PPARG: variants seen among roughly 807,000 people sequenced by gnomAD.
PPARG encodes the protein peroxisome proliferator activated receptor gamma.
In PPARG, 17 loss-of-function variants were observed where a neutral mutation model predicts 39.2. The ratio of observed to expected loss-of-function variants is 0.43; its 90% CI spans 0.30 to 0.65. PPARG has a LOEUF of 0.65. Among genes scored for constraint, PPARG ranks in the 30% least tolerant of loss-of-function variants. The probability of loss-of-function intolerance (pLI) is 0.13; values close to 1 mark genes in which losing one functional copy is unlikely to be tolerated. For synonymous variants in PPARG, 223 were observed against 215.7 expected (o/e 1.03, Z -0.30); for missense variants, 406 against 585.9 (o/e 0.69, Z 3.17).
At position 12,342,768 on chromosome 3, in the gene PPARG, G is replaced by A. The variant is rs115782942; in HGVS notation, c.-9+30315G>A. Among the ~76,000 whole-genome samples, 250 of 150,650 alleles carry A rather than the reference G, an allele frequency of 1.7e-3. 1 individual carries two copies. Among genetic ancestry groups the A allele is most frequent in the African/African-American group, 5.5e-3 (224 of 41,088 alleles). On this transcript the variant is annotated intron_variant, in intron 2 of 7. Transcript: ENST00000651735. ...TTTTCTAATTTTTAACAATGAACGC[G>A]GATTGGTTCTATAATAATGAAAGGT... is the stretch of plus-strand genomic sequence containing the variant.
intron 7 of PPARG, among the ~76,000 whole-genome samples, chr3:12,429,470 C>A (rs1173016705): frequency 6.7e-6 from 1 of 148,314 alleles, no homozygotes; most frequent in Non-Finnish European, 1.5e-5. Context: ...GTCATCCCAG[C>A]ACTTTGAGGG....
intron 2 of PPARG, among the ~76,000 whole-genome samples, chr3:12,354,937 G>A (rs1395732798): frequency 6.6e-6 from 1 of 152,102 alleles, no homozygotes; most frequent in African/African-American, 2.4e-5. Flanking sequence ...AAGCATCTTT[G>A]TGTCTAATTT....
intron 2 of PPARG, among the ~76,000 whole-genome samples, chr3:12,365,953 T>G (rs1360823037): frequency 6.6e-6 from 1 of 152,108 alleles, no homozygotes; most frequent in Non-Finnish European, 1.5e-5. Flanking sequence ...TTGCTGGGAT[T>G]GTTATTGTGA....
chr3:12,298,286 G>A (rs1171423098), intron 1 of PPARG, among the ~76,000 whole-genome samples: 7 of 100,458 alleles, frequency 7.0e-5, no homozygotes, highest in Admixed American at 1.5e-4. Flanking sequence ...GCGACAGAGC[G>A]AGACTCTGTC....
chr3:12,422,370 GT>G (rs2051292664), intron 7 of PPARG, among the ~76,000 whole-genome samples: 1 of 152,168 alleles, frequency 6.6e-6, no homozygotes, highest in Admixed American at 6.5e-5. Context: ...ATTTAAAGAG[GT>G]TAAGCAGTTT....
intron 5 of PPARG, among the ~76,000 whole-genome samples, chr3:12,396,643 A>G (rs750678472): frequency 9.9e-5 from 15 of 151,820 alleles, no homozygotes; most frequent in Admixed American, 2.0e-4. Flanking sequence ...CTGTGGTTTC[A>G]GCTACTCGGG....
intron 2 of PPARG, among the ~76,000 whole-genome samples, chr3:12,363,210 G>T (rs2048909512): frequency 6.6e-6 from 1 of 152,166 alleles, no homozygotes; most frequent in South Asian, 2.1e-4. Flanking sequence ...GTGAGCCACT[G>T]TATCTAGCCT....
chr3:12,401,993 G>A (rs1301583798), intron 5 of PPARG, among the ~76,000 whole-genome samples: 1 of 152,164 alleles, frequency 6.6e-6, no homozygotes, highest in African/African-American at 2.4e-5. Flanking sequence ...AGAAAAGCAA[G>A]ACTAGTAAAT....
At chr3:12,310,226 G>C (rs1344397831) in intron 1 of PPARG, among the ~76,000 whole-genome samples, 1 of 152,184 alleles carries the variant, frequency 6.6e-6, no homozygotes, top group East Asian at 1.9e-4. Flanking sequence ...TGTTTGATCC[G>C]ACACTTGGGG....
intron 4 of PPARG, among the ~76,000 whole-genome samples, chr3:12,385,868 A>G (rs2049851256): frequency 6.6e-6 from 1 of 152,328 alleles, no homozygotes; most frequent in South Asian, 2.1e-4. Flanking sequence ...TGTAAAATCA[A>G]CAACACCATT....
chr3:12,406,307 T>C (rs2125254242), intron 6 of PPARG: 1 of 581,748 alleles, frequency 1.7e-6, no homozygotes, highest in Non-Finnish European at 3.1e-6. Context: ...TTTTTGAGAA[T>C]AGTGTAACAA....
intron 6 of PPARG, among the ~76,000 whole-genome samples, chr3:12,415,566 CA>C (rs4135349): frequency 0.013 from 1,917 of 152,274 alleles, 50 homozygotes; most frequent in African/African-American, 0.044. Context: ...GAGAGAATGT[CA>C]TGACCAAATG....
At chr3:12,337,391 G>A (rs1183892224) in intron 2 of PPARG, among the ~76,000 whole-genome samples, 1 of 152,188 alleles carries the variant, frequency 6.6e-6, no homozygotes, top group Non-Finnish European at 1.5e-5. Context: ...AAAAAAGTGG[G>A]AGGACAGGTG....
In PPARG at chr3:12,412,919, G is replaced by A. The variant is rs1326499100; in HGVS notation, c.730-3785G>A. Among the ~76,000 whole-genome samples the A allele has an allele frequency of 2.0e-5, 3 of 152,156 alleles. No individual in the cohort carries two copies. In the East Asian group the frequency reaches 5.8e-4, roughly 29 times the overall value. ...TGTACGGTCTGAAGATAAATACACT[G>A]TTAGCCCCCAACTAGAAGTGTAAAA... On this transcript the variant is annotated intron_variant, in intron 6 of 7. Coordinates refer to ENST00000651735, the MANE Select transcript of PPARG (RefSeq NM_138711.6).
chr3:12,302,322 T>G (rs570430688), intron 1 of PPARG, among the ~76,000 whole-genome samples: 3 of 152,068 alleles, frequency 2.0e-5, no homozygotes, highest in Non-Finnish European at 4.4e-5. Context: ...TCCATAGAGA[T>G]AGGAAGCAGA....
Position 12,406,045 on chromosome 3 carries a change from G to A in PPARG, c.693G>A (p.Ala231=), listed in dbSNP as rs770030248. 1.2e-5 allele frequency: 20 copies of A among 1,614,032 alleles called. No homozygotes were observed. Among genetic ancestry groups the A allele is most frequent in the South Asian group, 2.2e-5 (2 of 91,086 alleles). ...IKSFPLTKAK[A]RAILTGKTTD... The stretch of plus-strand genomic sequence containing the variant: ...CCTTCCCGCTGACCAAAGCAAAGGC[G>A]AGGGCGATCTTGACAGGAAAGACAA... The change falls in exon 6 of 8, where the codon GCG becomes GCA. Residue 231 remains alanine (A), a synonymous_variant. Coordinates refer to ENST00000651735, the MANE Select transcript of PPARG (RefSeq NM_138711.6).
chr3:12,389,503 T>C (rs985828021), intron 4 of PPARG, among the ~76,000 whole-genome samples: 2 of 152,054 alleles, frequency 1.3e-5, no homozygotes, highest in Non-Finnish European at 2.9e-5. Flanking sequence ...TAGAAGTAAA[T>C]TGACAAGAGA....
intron 1 of PPARG, among the ~76,000 whole-genome samples, chr3:12,293,090 A>G (rs779653327): frequency 1.2e-4 from 19 of 152,356 alleles, no homozygotes; most frequent in African/African-American, 3.6e-4. Flanking sequence ...CATACCTTCA[A>G]CTGTTCCAGT....
At chr3:12,304,985 A>G (rs1451649827) in intron 1 of PPARG, among the ~76,000 whole-genome samples, 1 of 152,146 alleles carries the variant, frequency 6.6e-6, no homozygotes, top group Non-Finnish European at 1.5e-5. Flanking sequence ...ACTAATTGGA[A>G]TGTCTGAGCC....
Sources: allele counts gnomAD v4.1 joint callset (sites outside exome capture counted in the v4.1 genomes callset), GRCh38; gene constraint gnomAD v4.1.1; transcripts MANE v1.5; gene names NCBI Gene and HGNC (gene_info 2026-07-23, HGNC 2026-07-21).